Variants in ARL15 observed in about 807,000 individuals in gnomAD.
ARL15 encodes ADP-ribosylation factor-like protein 15.
ARL15 carries 19 observed loss-of-function variants against 25.2 expected under a neutral mutation model. That is an observed-to-expected ratio of 0.75 (90% CI 0.53 to 1.10). The LOEUF (loss-of-function observed/expected upper bound fraction) is 1.10. Ranked by LOEUF, ARL15 falls within the 50% of genes least tolerant of loss-of-function variation. The pLI is 0.00. For missense variants in ARL15, 220 were observed against 246.0 expected, an observed-to-expected ratio of 0.89 and a Z score of 0.71; for synonymous variants, 94 against 86.8, an observed-to-expected ratio of 1.08 and a Z score of -0.46.
chr5:54,073,903 T>A (rs1176456590), intron 4 of ARL15, among the ~76,000 whole-genome samples: 1 of 152,238 alleles, frequency 6.6e-6, no homozygotes, highest in Non-Finnish European at 1.5e-5. Flanking sequence ...TTTTCTAGCA[T>A]TCCAAGCTTC....
intron 3 of ARL15, among the ~76,000 whole-genome samples, chr5:54,124,650 A>C (rs571252061): frequency 1.3e-5 from 2 of 152,352 alleles, no homozygotes; most frequent in East Asian, 3.9e-4. Context: ...ATTGTTAATA[A>C]TAGATATATA....
intron 1 of ARL15, among the ~76,000 whole-genome samples, chr5:54,211,104 T>C (rs1482429390): frequency 6.6e-6 from 1 of 152,222 alleles, no homozygotes; most frequent in African/African-American, 2.4e-5. Context: ...TGTCCAATTA[T>C]AGCTATTACT....
At chr5:53,969,661 G>A (rs1408737453) in intron 4 of ARL15, among the ~76,000 whole-genome samples, 2 of 152,170 alleles carry the variant, frequency 1.3e-5, no homozygotes, top group East Asian at 3.9e-4. Context: ...ATCTATTTCT[G>A]CTTTATGATC....
chr5:54,151,246 G>C (rs1174720004), intron 3 of ARL15, among the ~76,000 whole-genome samples: 1 of 152,140 alleles, frequency 6.6e-6, no homozygotes, highest in Non-Finnish European at 1.5e-5. Context: ...AGGTAGTTGA[G>C]AACAAGGCAT....
chr5:54,221,528 G>C (rs1756372390), intron 1 of ARL15, among the ~76,000 whole-genome samples: 1 of 151,938 alleles, frequency 6.6e-6, no homozygotes, highest in South Asian at 2.1e-4. Flanking sequence ...CCTACAATTT[G>C]AGAAACCACT....
At chr5:54,108,388 C>G (rs529163784) in intron 4 of ARL15, among the ~76,000 whole-genome samples, 1 of 152,112 alleles carries the variant, frequency 6.6e-6, no homozygotes, top group African/African-American at 2.4e-5. Context: ...ATGTACACTG[C>G]TCCATGTGAA....
At chr5:54,172,630 A>C (rs1010458449) in intron 1 of ARL15, among the ~76,000 whole-genome samples, 3 of 152,320 alleles carry the variant, frequency 2.0e-5, no homozygotes, top group African/African-American at 7.2e-5. Flanking sequence ...GATGTCCACA[A>C]TTAACTGGCT....
intron 3 of ARL15, among the ~76,000 whole-genome samples, chr5:54,140,467 G>GATAGAT (rs925844849): frequency 2.9e-5 from 4 of 139,250 alleles, no homozygotes; most frequent in African/African-American, 5.4e-5. Flanking sequence ...TAGATAGATA[G>GATAGAT]AGATAGAGAT....
At chr5:54,231,147 A>C (rs4865810) in intron 1 of ARL15, among the ~76,000 whole-genome samples, 5 of 151,886 alleles carry the variant, frequency 3.3e-5, no homozygotes, top group South Asian at 4.2e-4. Context: ...ACTCATCATG[A>C]TGAAAACCAA....
Position 54,274,046 on chromosome 5 carries a change from CAA to C in ARL15, c.48+36384_48+36385del, listed in dbSNP as rs574592365. 5.3e-5 allele frequency among the ~76,000 whole-genome samples: 8 copies of C among 152,238 alleles called. No individual in the cohort carries two copies. The East Asian group carries it at 1.5e-3, about 29-fold the overall frequency. The stretch of plus-strand genomic sequence containing the variant: ...TCCAGGTAATGACAGAGAGGTGAGG[CAA>C]CTAGGGTAGAAGAGATCAAACTTGA... On this transcript the variant is annotated intron_variant, in intron 1 of 4. Coordinates refer to ENST00000504924, the MANE Select transcript of ARL15 (RefSeq NM_019087.3).
chr5:54,097,126 C>A (rs1313231117), intron 4 of ARL15, among the ~76,000 whole-genome samples: 2 of 152,094 alleles, frequency 1.3e-5, no homozygotes, highest in Non-Finnish European at 2.9e-5. Flanking sequence ...ACCATCCTGG[C>A]CAACATGGTG....
intron 3 of ARL15, among the ~76,000 whole-genome samples, chr5:54,136,977 T>C (rs1326285496): frequency 6.6e-6 from 1 of 151,846 alleles, no homozygotes; most frequent in Non-Finnish European, 1.5e-5. Context: ...GCTCCAAACA[T>C]TCTCCTTCCA....
chr5:54,274,217 A>G (rs745336049), intron 1 of ARL15, among the ~76,000 whole-genome samples: 2 of 152,130 alleles, frequency 1.3e-5, no homozygotes, highest in Non-Finnish European at 2.9e-5. Context: ...GAGTCGGCTG[A>G]CGCTGGGTCA....
chr5:54,075,792 G>A (rs1289558380), intron 4 of ARL15, among the ~76,000 whole-genome samples: 1 of 152,044 alleles, frequency 6.6e-6, no homozygotes. Flanking sequence ...CAGTCATATA[G>A]TTCATGTGGA....
chr5:53,991,127 T>A (rs1192506608), intron 4 of ARL15, among the ~76,000 whole-genome samples: 1 of 152,136 alleles, frequency 6.6e-6, no homozygotes, highest in African/African-American at 2.4e-5. Context: ...TATTTTATGG[T>A]CAAATTTTAG....
chr5:54,166,690 T>A (rs1754578725), intron 2 of ARL15, among the ~76,000 whole-genome samples: 1 of 152,164 alleles, frequency 6.6e-6, no homozygotes, highest in Non-Finnish European at 1.5e-5. Flanking sequence ...TGGATGCTCT[T>A]TGCATTTTTT....
chr5:54,246,586 C>A (rs1292169874), intron 1 of ARL15, among the ~76,000 whole-genome samples: 1 of 152,148 alleles, frequency 6.6e-6, no homozygotes, highest in Non-Finnish European at 1.5e-5. Context: ...ATCTACCTCA[C>A]CACTCCTTCA....
chr5:53,892,319 A>G (rs1395327908), intron 4 of ARL15, among the ~76,000 whole-genome samples: 1 of 152,230 alleles, frequency 6.6e-6, no homozygotes, highest in Non-Finnish European at 1.5e-5. Context: ...ACTGATGGGG[A>G]TAGGTCAGCT....
chr5:53,995,811 TC>T (rs1467859005), intron 4 of ARL15, among the ~76,000 whole-genome samples: 2 of 150,116 alleles, frequency 1.3e-5, no homozygotes, highest in Non-Finnish European at 3.0e-5. Context: ...ATCAGAATAT[TC>T]CCATACGTTC....
Sources: gnomAD v4.1 joint callset for allele counts (sites outside exome capture counted in the v4.1 genomes callset) on GRCh38, gnomAD v4.1.1 for gene constraint, MANE v1.5 for transcripts, NCBI Gene and HGNC (gene_info 2026-07-23, HGNC 2026-07-21) for gene names.